The following SPRED3 variants were observed in gnomAD, a reference collection of about 807,000 sequenced individuals.
SPRED3 encodes sprouty related EVH1 domain containing 3, also known as sprouty-related, EVH1 domain-containing protein 3.
In SPRED3, 23 loss-of-function variants were observed where a neutral mutation model predicts 37.6. The ratio of observed to expected loss-of-function variants is 0.61; its 90% CI spans 0.44 to 0.87. The LOEUF (loss-of-function observed/expected upper bound fraction) is 0.87. SPRED3 is among the 40% of genes least tolerant of loss of function. The pLI is 0.00. For synonymous variants in SPRED3, 302 were observed against 279.6 expected (o/e 1.08, Z -0.80); for missense variants, 584 against 618.6 (o/e 0.94, Z 0.59).
In SPRED3 at chr19:38,392,350, C is replaced by T. The variant is rs540899661; in HGVS notation, c.423+62C>T. On this transcript the variant is annotated intron_variant, in intron 4 of 5. Coordinates refer to ENST00000691638, the MANE Select transcript of SPRED3 (RefSeq NM_001394336.1). ...AGGGGTTTTGTTTTTATTCTATGAA[C>T]ATTCTTGAGCACCTACTGTGTAGCA... The T allele has an allele frequency of 1.1e-5, 16 of 1,440,844 alleles. No individual in the cohort carries two copies. In the African/African-American group the frequency reaches 2.3e-4, roughly 21 times the overall value. The allele number at this position is 1,440,844 out of a possible 1,614,324, so 89.3% of individuals were successfully genotyped here.
chr19:38,394,457 G>A, intron 4 of SPRED3, 186 bp from the exon 5 acceptor site: 1 of 1,490,758 alleles, frequency 6.7e-7, no homozygotes, highest in South Asian at 1.1e-5. Context: ...TTACAGAGGA[G>A]GAAACTGAGG....
rs74176441 is a variant in SPRED3 at position 38,393,344 on chromosome 19, CTTTTT to C, written c.423+1073_423+1077del. On this transcript the variant is annotated intron_variant, in intron 4 of 5. Transcript: ENST00000691638. ...ATTTCCTTTCTGAAAATACTATTATCTTTTTTTTTTTTTTTTTTTTTGAGACGGAA... is the reference window on the plus strand; with the variant it reads ...ATTTCCTTTCTGAAAATACTATTATCTTTTTTTTTTTTTTTTGAGACGGAA... 9.9e-5 allele frequency among the ~76,000 whole-genome samples: 12 copies of C among 121,126 alleles called. No homozygotes were observed. In the East Asian group the frequency reaches 2.9e-3, roughly 29 times the overall value. 79.5% of individuals were successfully genotyped at this position (121,126 alleles called of 152,430 possible). A position where few individuals can be genotyped will look rare whatever the true frequency, so the allele number is the denominator to read the frequency against.
chr19:38,390,482 G>A lies in SPRED3; in HGVS notation c.177+3G>A. ...GGGAACGCCTCCGGGACCAGAAAGT[G>A]AGCCACCCTGGGGCATGCGGGGAGG... On this transcript the variant is annotated splice_donor_region_variant and intron_variant, in intron 2 of 5. Coordinates refer to ENST00000691638, the MANE Select transcript of SPRED3 (RefSeq NM_001394336.1). 1 of 1,360,464 alleles carries A rather than the reference G, an allele frequency of 7.4e-7. No individual in the cohort carries two copies. Among genetic ancestry groups the A allele is most frequent in the South Asian group, 2.0e-5 (1 of 50,978 alleles). 84.3% of individuals were successfully genotyped at this position (1,360,464 alleles called of 1,614,324 possible). A position where few individuals can be genotyped will look rare whatever the true frequency, so the allele number is the denominator to read the frequency against.
At position 38,388,789 on chromosome 19, in the gene SPRED3, C is replaced by A. The variant is rs1261558218; in HGVS notation, c.-23C>A. On this transcript the variant is annotated 5_prime_UTR_variant, in exon 1 of 6. Coordinates refer to ENST00000691638, the MANE Select transcript of SPRED3 (RefSeq NM_001394336.1). ...GAGGCCGCGTCGCCGCCGCTCGGAGCCCGGCCGGAGCCTCGCAGGCAGGTG... is the reference window on the plus strand; with the variant it reads ...GAGGCCGCGTCGCCGCCGCTCGGAGACCGGCCGGAGCCTCGCAGGCAGGTG... The A allele has an allele frequency of 1.0e-5, 4 of 398,134 alleles. No homozygotes were observed. The Admixed American group carries it at 1.3e-4, about 13-fold the overall frequency. 24.7% of individuals were successfully genotyped at this position (398,134 alleles called of 1,614,324 possible).
chr19:38,396,542 C>T lies in SPRED3; in HGVS notation c.*397C>T, dbSNP rs115027801. 1,023 of 160,238 alleles carry T rather than the reference C, an allele frequency of 6.4e-3. 18 individuals carry two copies. The highest frequency in any genetic ancestry group is 0.023 in the African/African-American group (979 of 41,854). The allele number at this position is 160,238 out of a possible 1,614,324, so 9.9% of individuals were successfully genotyped here. ...GCACCATGTCCCTCAGATTACAGCC[C>T]CACAATTAGTCAGGACTTGCCCATA... On this transcript the variant is annotated 3_prime_UTR_variant, in exon 6 of 6. Coordinates refer to ENST00000691638, the MANE Select transcript of SPRED3 (RefSeq NM_001394336.1).
chr19:38,399,509 T>C lies in SPRED3; in HGVS notation c.*3364T>C, dbSNP rs1970938502. ...TGCAGGCTGAAGTGGTGGGGGAGGA[T>C]GGGGGCCAAAGACCCAGCCTTGTCA... On this transcript the variant is annotated 3_prime_UTR_variant, in exon 6 of 6. Transcript: ENST00000691638. 1 of 149,062 alleles carries C rather than the reference T, an allele frequency of 6.7e-6. No individual in the cohort carries two copies. Among genetic ancestry groups the C allele is most frequent in the Admixed American group, 6.7e-5 (1 of 14,930 alleles). 9.2% of individuals were successfully genotyped at this position (149,062 alleles called of 1,614,324 possible).
At chr19:38,394,517 A>AG in intron 4 of SPRED3, 126 bp from the exon 5 acceptor site, 1 of 1,556,180 alleles carries the variant, frequency 6.4e-7, no homozygotes, top group Non-Finnish European at 8.8e-7. Flanking sequence ...AGTCAGTGAC[A>AG]GAGCCGGGGT....
chr19:38,391,564 G>C (rs1970833131), intron 2 of SPRED3, among the ~76,000 whole-genome samples: 1 of 152,078 alleles, frequency 6.6e-6, no homozygotes. Context: ...TAGGGATCAA[G>C]GGGTTGGGAA....
At chr19:38,393,527 G>A (rs999999188) in intron 4 of SPRED3, among the ~76,000 whole-genome samples, 4 of 151,728 alleles carry the variant, frequency 2.6e-5, no homozygotes, top group Admixed American at 2.6e-4. Flanking sequence ...TAGTAGAGAC[G>A]GGATTTCACT....
At chr19:38,389,396 C>T (rs980544359) in intron 1 of SPRED3, among the ~76,000 whole-genome samples, 8 of 150,976 alleles carry the variant, frequency 5.3e-5, no homozygotes, top group Non-Finnish European at 1.2e-4. Flanking sequence ...TGCTGGATGG[C>T]AGTGAAGGGC....
At chr19:38,394,535 C>T (rs1970869380) in intron 4 of SPRED3, 108 bp from the exon 5 acceptor site, 1 of 1,564,998 alleles carries the variant, frequency 6.4e-7, no homozygotes, top group Non-Finnish European at 8.7e-7. Context: ...GGTTTGAACC[C>T]AGGCCTTCCT....
At position 38,396,234 on chromosome 19, in the gene SPRED3, C is replaced by G; in HGVS notation, c.*89C>G. 4 of 960,702 alleles carry G rather than the reference C, an allele frequency of 4.2e-6. No individual in the cohort carries two copies. The highest frequency in any genetic ancestry group is 5.3e-6 in the Non-Finnish European group (4 of 748,952). 59.5% of individuals were successfully genotyped at this position (960,702 alleles called of 1,614,324 possible). ...CTCCGTTCGGACCTAAAACCCAAAC[C>G]TAGGCACATCCGGAACTTGGAGCTT... is the stretch of plus-strand genomic sequence containing the variant. On this transcript the variant is annotated 3_prime_UTR_variant, in exon 6 of 6. Coordinates refer to ENST00000691638, the MANE Select transcript of SPRED3 (RefSeq NM_001394336.1).
At position 38,390,424 on chromosome 19, in the gene SPRED3, G is replaced by C. The variant is rs780044829; in HGVS notation, c.122G>C (p.Gly41Ala). The C allele has an allele frequency of 2.6e-5, 37 of 1,405,254 alleles. No homozygotes were observed. The highest frequency in any genetic ancestry group is 1.4e-4 in the East Asian group (5 of 35,586). The allele number at this position is 1,405,254 out of a possible 1,614,324, so 87.0% of individuals were successfully genotyped here. Residue 41 changes from glycine (G) to alanine (A), a missense_variant, in exon 2 of 6, where the codon GGG becomes GCG. Gly to Ala is a moderately conservative substitution (Grantham distance 60, BLOSUM62 0). This residue lies in a region of SPRED3 where 88 missense variants were observed against 77.0 expected (regional missense o/e 1.14). Coordinates refer to ENST00000691638, the MANE Select transcript of SPRED3 (RefSeq NM_001394336.1). ...VCRVRGARPE[G>A]GARQGHYVIH... ...CGGGTCCGAGGGGCCAGGCCCGAGG[G>C]GGGGGCCCGCCAGGGGCACTACGTC...
rs1970884969 is a variant in SPRED3 at position 38,395,610 on chromosome 19, C to T, written c.698C>T (p.Ala233Val). The T allele has an allele frequency of 1.9e-6, 3 of 1,552,206 alleles. No homozygotes were observed. Among genetic ancestry groups the T allele is most frequent in the African/African-American group, 1.4e-5 (1 of 71,024 alleles). ...YRRSGPPAPL[A>V]LSTCVVRFAK... ...CGCTCCGGGCCACCCGCGCCCCTCG[C>T]CCTGTCCACCTGCGTCGTGCGCTTC... Residue 233 changes from alanine to valine, a missense_variant, in exon 6 of 6, where the codon GCC (alanine) becomes GTC (valine). Transcript: ENST00000691638. The surrounding 1 kb of genome is among the most constrained non-coding windows in gnomAD (Gnocchi z 5.2).
chr19:38,394,121 T>A (rs1970864052), intron 4 of SPRED3, among the ~76,000 whole-genome samples: 2 of 152,130 alleles, frequency 1.3e-5, no homozygotes, highest in South Asian at 2.1e-4. Context: ...AAGCTAAGGG[T>A]CTGAGAAGTC....
chr19:38,395,802 G>C lies in SPRED3; in HGVS notation c.890G>C (p.Cys297Ser). 1 of 1,463,622 alleles carries C rather than the reference G, an allele frequency of 6.8e-7. No homozygotes were observed. Among genetic ancestry groups the C allele is most frequent in the Non-Finnish European group, 9.0e-7 (1 of 1,115,574 alleles). 90.7% of individuals were successfully genotyped at this position (1,463,622 alleles called of 1,614,324 possible). ...CCGGAAGCGGAGGAGGCAGCGCGCT[G>C]CGTGCATTGCCGCGCGCTCTTCCGT... ...ASPEAEEAAR[C>S]VHCRALFRRR... Residue 297 changes from cysteine (C) to serine (S), a missense_variant, in exon 6 of 6, where the codon TGC becomes TCC. Cys to Ser is a moderately radical substitution (Grantham distance 112). Transcript: ENST00000691638. This position sits in a 1 kb window ranked among gnomAD's most constrained non-coding sequence, Gnocchi z 5.2.
At chr19:38,391,867 A>C in intron 2 of SPRED3, 79 bp from the exon 3 acceptor site, 2 of 1,542,004 alleles carry the variant, frequency 1.3e-6, no homozygotes, top group Admixed American at 3.4e-5. Context: ...TAGGGTATGC[A>C]TGGGGGCTGG....
In SPRED3 at chr19:38,390,455, CG is replaced by C. The variant is rs1970815328; in HGVS notation, c.157del (p.Glu53AsnfsTer14). The C allele has an allele frequency of 3.2e-6, 4 of 1,247,116 alleles. No individual in the cohort carries two copies. Among genetic ancestry groups the C allele is most frequent in the Admixed American group, 8.6e-5 (2 of 23,330 alleles). The allele number at this position is 1,247,116 out of a possible 1,614,324, so 77.3% of individuals were successfully genotyped here. A position where few individuals can be genotyped will look rare whatever the true frequency, so the allele number is the denominator to read the frequency against. Reference sequence around the variant, plus strand: ...CCCGCCAGGGGCACTACGTCATCCACGGGGAACGCCTCCGGGACCAGAAAGT... The same window carrying C: ...CCCGCCAGGGGCACTACGTCATCCACGGGAACGCCTCCGGGACCAGAAAGT... ...GARQGHYVIH[G>X]ERLRDQKTTL... On this transcript the variant is annotated frameshift_variant, in exon 2 of 6. Coordinates refer to ENST00000691638, the MANE Select transcript of SPRED3 (RefSeq NM_001394336.1). LOFTEE classifies it high-confidence loss of function.
At chr19:38,394,618 C>T (rs773098523) in intron 4 of SPRED3, 25 bp from the exon 5 acceptor site, 1 of 1,575,956 alleles carries the variant, frequency 6.3e-7, no homozygotes, top group South Asian at 1.1e-5. Context: ...CGTGTCCCCG[C>T]GCTGAGGCCG....
Sources: allele counts gnomAD v4.1 joint callset (sites outside exome capture counted in the v4.1 genomes callset), GRCh38; gene constraint gnomAD v4.1.1; regional missense constraint gnomAD v4.1.1; non-coding constraint Gnocchi (gnomAD v3.1); transcripts MANE v1.5; gene names NCBI Gene and HGNC (gene_info 2026-07-23, HGNC 2026-07-21).